Variants in ACTC1 observed in about 807,000 individuals in gnomAD.
The protein encoded by ACTC1 is actin alpha cardiac muscle 1.
Under a neutral mutation model 31.6 loss-of-function variants are expected in ACTC1, and 10 were observed. That is an observed-to-expected ratio of 0.32 (90% confidence interval 0.19 to 0.54). The LOEUF is 0.54. Ranked by LOEUF, ACTC1 falls within the 20% of genes least tolerant of loss-of-function variation. ACTC1 has a pLI of 0.95. For synonymous variants in ACTC1, 196 were observed against 185.0 expected (o/e 1.06, Z -0.48); for missense variants, 129 against 506.4 (o/e 0.25, Z 7.15).
chr15:34,792,603 T>C lies in ACTC1; in HGVS notation c.455-34A>G. 2 of 1,613,572 alleles carry C rather than the reference T, an allele frequency of 1.2e-6. No individual in the cohort carries two copies. The highest frequency in any genetic ancestry group is 1.7e-6 in the Non-Finnish European group (2 of 1,179,562). On this transcript the variant is annotated intron_variant, in intron 3 of 6. Transcript: ENST00000290378. This position sits in a 1 kb window ranked among gnomAD's most constrained non-coding sequence, Gnocchi z 5.3. Reference sequence around the variant, plus strand: ...GGAAGTAGACAAGAACAAGGTAAATTCCTGAGGACAACACCACTGCTCTAG... The same window carrying C: ...GGAAGTAGACAAGAACAAGGTAAATCCCTGAGGACAACACCACTGCTCTAG...
intron 1 of ACTC1, among the ~76,000 whole-genome samples, chr15:34,795,086 T>C (rs1891794792): frequency 6.6e-6 from 1 of 151,930 alleles, no homozygotes; most frequent in African/African-American, 2.4e-5. Context: ...GGGTGCCAGG[T>C]GCAAGGAGGG....
rs1264405557 is a variant in ACTC1, at chr15:34,792,727, G to A, written c.455-158C>T. The A allele has an allele frequency of 5.3e-5, 41 of 773,082 alleles. No individual in the cohort carries two copies. Among genetic ancestry groups the A allele is most frequent in the Middle Eastern group, 2.7e-4 (1 of 3,744 alleles). 47.9% of individuals were successfully genotyped at this position (773,082 alleles called of 1,614,324 possible). A position where few individuals can be genotyped will look rare whatever the true frequency, so the allele number is the denominator to read the frequency against. On this transcript the variant is annotated intron_variant, in intron 3 of 6. Coordinates refer to ENST00000290378, the MANE Select transcript of ACTC1 (RefSeq NM_005159.5). This position sits in a 1 kb window ranked among gnomAD's most constrained non-coding sequence, Gnocchi z 5.3. ...CCTTACACACAAAGAATAAAAATGC[G>A]CATCAGGAATACTAAATCTGAAGCA...
chr15:34,793,086 C>A lies in ACTC1; in HGVS notation c.454+159G>T, dbSNP rs904559857. The stretch of plus-strand genomic sequence containing the variant: ...AACAATAATTGTGCTCCGAAACTAA[C>A]CTCAGGGCACTACTGTTAACTCTTT... On this transcript the variant is annotated intron_variant, in intron 3 of 6. Coordinates refer to ENST00000290378, the MANE Select transcript of ACTC1 (RefSeq NM_005159.5). This position sits in a 1 kb window ranked among gnomAD's most constrained non-coding sequence, Gnocchi z 4.8. Among the ~76,000 whole-genome samples the A allele has an allele frequency of 2.0e-5, 3 of 152,202 alleles. No homozygotes were observed. The highest frequency in any genetic ancestry group is 7.2e-5 in the African/African-American group (3 of 41,452).
chr15:34,791,490 C>G (rs1891707704), intron 5 of ACTC1, among the ~76,000 whole-genome samples, 195 bp from the exon 6 acceptor site: 3 of 152,154 alleles, frequency 2.0e-5, no homozygotes, highest in Non-Finnish European at 4.4e-5. Flanking sequence ...CACAGTTAAT[C>G]CACAATACAA....
intron 1 of ACTC1, 84 bp from the exon 2 acceptor site, chr15:34,794,914 A>T: frequency 1.6e-5 from 17 of 1,051,162 alleles, no homozygotes; most frequent in Admixed American, 2.4e-5. Context: ...AGGACAGAGC[A>T]GAAGGGGGTT....
chr15:34,791,303 C>T lies in ACTC1; in HGVS notation c.809-8G>A, dbSNP rs767180775. The T allele has an allele frequency of 2.6e-5, 34 of 1,285,286 alleles. No homozygotes were observed. The East Asian group carries it at 2.7e-4, about 10-fold the overall frequency. 79.6% of individuals were successfully genotyped at this position (1,285,286 alleles called of 1,614,324 possible). The stretch of plus-strand genomic sequence containing the variant: ...TGCCAGCAGATTCCATACCTGGGAA[C>T]GAGTCACACACACACACACACACAC... On this transcript the variant is annotated splice_polypyrimidine_tract_variant and splice_region_variant and intron_variant, in intron 5 of 6. Transcript: ENST00000290378.
At position 34,790,436 on chromosome 15, in the gene ACTC1, G is replaced by C; in HGVS notation, c.1110C>G (p.Ser370=). Residue 370 remains serine, a synonymous_variant, in exon 7 of 7, where the codon TCC becomes TCG. Coordinates refer to ENST00000290378, the MANE Select transcript of ACTC1 (RefSeq NM_005159.5). ...SKQEYDEAGP[S]IVHRKCF ...CTTAGAAGCATTTGCGGTGGACAAT[G>C]GATGGGCCTGCCTCATCGTACTCTT... 1 of 1,614,094 alleles carries C rather than the reference G, an allele frequency of 6.2e-7. No homozygotes were observed. Among genetic ancestry groups the C allele is most frequent in the Non-Finnish European group, 8.5e-7 (1 of 1,180,018 alleles).
At chr15:34,795,224 C>G (rs1048036773) in intron 1 of ACTC1, among the ~76,000 whole-genome samples, 1 of 152,056 alleles carries the variant, frequency 6.6e-6, no homozygotes, top group Non-Finnish European at 1.5e-5. Flanking sequence ...GGAAAGCGCA[C>G]GAGAGTAGGG....
chr15:34,792,999 G>A lies in ACTC1; in HGVS notation c.454+246C>T, dbSNP rs563537092. The A allele has an allele frequency of 1.4e-4, 78 of 571,306 alleles. No individual in the cohort carries two copies. The African/African-American group carries it at 1.4e-3, about 10-fold the overall frequency. 35.4% of individuals were successfully genotyped at this position (571,306 alleles called of 1,614,324 possible). A position where few individuals can be genotyped will look rare whatever the true frequency, so the allele number is the denominator to read the frequency against. On this transcript the variant is annotated intron_variant, in intron 3 of 6. Transcript: ENST00000290378. This position sits in a 1 kb window ranked among gnomAD's most constrained non-coding sequence, Gnocchi z 5.3. ...CATAACAATGACTGCTGCACTCCAAGCTGCTACACTGCGCTGAGCTTTAAA... is the reference window on the plus strand; with the variant it reads ...CATAACAATGACTGCTGCACTCCAAACTGCTACACTGCGCTGAGCTTTAAA...
At position 34,791,307 on chromosome 15, in the gene ACTC1, TCACACACACACACA is replaced by T. The variant is rs59431308; in HGVS notation, c.809-26_809-13del. On this transcript the variant is annotated splice_polypyrimidine_tract_variant and intron_variant, in intron 5 of 6. Transcript: ENST00000290378. The stretch of plus-strand genomic sequence containing the variant: ...AGCAGATTCCATACCTGGGAACGAG[TCACACACACACACA>T]CACACACACACACACACACACACAC... 6.3e-3 allele frequency: 8,263 copies of T among 1,308,496 alleles called. 14 individuals are homozygous for T. The highest frequency in any genetic ancestry group is 8.9e-3 in the East Asian group (362 of 40,716). The allele number at this position is 1,308,496 out of a possible 1,614,324, so 81.1% of individuals were successfully genotyped here.
At position 34,793,634 on chromosome 15, in the gene ACTC1, C is replaced by A. The variant is rs1238466187; in HGVS notation, c.130-65G>T. On this transcript the variant is annotated intron_variant, in intron 2 of 6. Coordinates refer to ENST00000290378, the MANE Select transcript of ACTC1 (RefSeq NM_005159.5). This position sits in a 1 kb window ranked among gnomAD's most constrained non-coding sequence, Gnocchi z 4.8. ...GTCAGGAATATAATCAGTGTCTTGT[C>A]CATTTATATCTAACTGCCCAAGTCA... is the stretch of plus-strand genomic sequence containing the variant. 26 of 1,443,418 alleles carry A rather than the reference C, an allele frequency of 1.8e-5. No individual in the cohort carries two copies. The highest frequency in any genetic ancestry group is 3.5e-4 in the Middle Eastern group (2 of 5,746). The allele number at this position is 1,443,418 out of a possible 1,614,324, so 89.4% of individuals were successfully genotyped here. A position where few individuals can be genotyped will look rare whatever the true frequency, so the allele number is the denominator to read the frequency against.
chr15:34,791,025 C>A, intron 6 of ACTC1, 89 bp downstream of exon 6: 1 of 1,261,124 alleles, frequency 7.9e-7, no homozygotes, highest in Non-Finnish European at 1.1e-6. Flanking sequence ...AGACAAGAAA[C>A]TGAGTATGAG....
rs902649765 is a variant in ACTC1 at position 34,792,776 on chromosome 15, A to G, written c.455-207T>C. Reference sequence around the variant, plus strand: ...CAAACTGCAGCTCATCTTTTTAACTATTATAGTAGAAAAAATTCCCGAGGA... The same window carrying G: ...CAAACTGCAGCTCATCTTTTTAACTGTTATAGTAGAAAAAATTCCCGAGGA... On this transcript the variant is annotated intron_variant, in intron 3 of 6. Coordinates refer to ENST00000290378, the MANE Select transcript of ACTC1 (RefSeq NM_005159.5). The surrounding 1 kb of genome is among the most constrained non-coding windows in gnomAD (Gnocchi z 5.3). 6 of 605,338 alleles carry G rather than the reference A, an allele frequency of 9.9e-6. No homozygotes were observed. In the Admixed American group the frequency reaches 1.2e-4, roughly 12 times the overall value. 37.5% of individuals were successfully genotyped at this position (605,338 alleles called of 1,614,324 possible).
intron 1 of ACTC1, among the ~76,000 whole-genome samples, chr15:34,795,268 C>T (rs1891801862): frequency 6.6e-6 from 1 of 152,062 alleles, no homozygotes. Context: ...ACAAAATTCC[C>T]CTTCTTAGAG....
chr15:34,794,823 AG>A lies in ACTC1; in HGVS notation c.-16del. 1 of 1,608,772 alleles carries A rather than the reference AG, an allele frequency of 6.2e-7. No homozygotes were observed. On this transcript the variant is annotated 5_prime_UTR_variant, in exon 2 of 7. Transcript: ENST00000290378. ...TCGTCACACATCTTGGCACAGCTTC[AG>A]GGGGTTCTGCAGGTTGAGGAGGGGA...
In ACTC1 at chr15:34,790,535, A is replaced by G. The variant is rs769737060; in HGVS notation, c.1011T>C (p.Arg337=). The G allele has an allele frequency of 6.2e-7, 1 of 1,614,136 alleles. No homozygotes were observed. The highest frequency in any genetic ancestry group is 8.5e-7 in the Non-Finnish European group (1 of 1,179,992). Reference sequence around the variant, plus strand: ...AGCCCCCAATCCAGACAGAGTATTTACGCTCAGGGGGAGCAATAATCTGCA... The same window carrying G: ...AGCCCCCAATCCAGACAGAGTATTTGCGCTCAGGGGGAGCAATAATCTGCA... The part of the protein sequence containing the change: ...MKIKIIAPPE[R]KYSVWIGGSI... The change falls in exon 7 of 7, where the codon CGT becomes CGC. Residue 337 remains arginine (R), a synonymous_variant. Coordinates refer to ENST00000290378, the MANE Select transcript of ACTC1 (RefSeq NM_005159.5).
At chr15:34,795,432 G>C (rs1160599649) in intron 1 of ACTC1, 74 bp downstream of exon 1, 1 of 152,326 alleles carries the variant, frequency 6.6e-6, no homozygotes, top group Non-Finnish European at 1.5e-5. Context: ...GCCAGGTGGC[G>C]GCGCGGGGCT....
chr15:34,791,858 G>C (rs1332783040), intron 5 of ACTC1: 4 of 555,278 alleles, frequency 7.2e-6, no homozygotes, highest in Non-Finnish European at 9.6e-6. Context: ...TTACTACTCT[G>C]TGTCATCCTT....
rs750389888 is a variant in ACTC1 at position 34,792,394 on chromosome 15, A to G, written c.616+14T>C. On this transcript the variant is annotated intron_variant, in intron 4 of 6. Coordinates refer to ENST00000290378, the MANE Select transcript of ACTC1 (RefSeq NM_005159.5). This position sits in a 1 kb window ranked among gnomAD's most constrained non-coding sequence, Gnocchi z 5.3. ...GCAGACCCACACTGTGGCAGATGAG[A>G]CACACACACTCACCAGTGGTGACAA... is the stretch of plus-strand genomic sequence containing the variant. 2 of 1,613,698 alleles carry G rather than the reference A, an allele frequency of 1.2e-6. No individual in the cohort carries two copies. The highest frequency in any genetic ancestry group is 1.7e-6 in the Non-Finnish European group (2 of 1,179,556).
Sources: allele counts gnomAD v4.1 joint callset (sites outside exome capture counted in the v4.1 genomes callset), GRCh38; gene constraint gnomAD v4.1.1; non-coding constraint Gnocchi (gnomAD v3.1); transcripts MANE v1.5; gene names NCBI Gene and HGNC (gene_info 2026-07-23, HGNC 2026-07-21).